The following ST6GAL2 variants were observed in gnomAD, a reference collection of about 807,000 sequenced individuals.
ST6GAL2 encodes the protein ST6 beta-galactoside alpha-2,6-sialyltransferase 2.
ST6GAL2 carries 24 observed loss-of-function variants against 37.5 expected under a neutral mutation model. That is an observed-to-expected ratio of 0.64 (90% CI 0.46 to 0.90). The LOEUF (loss-of-function observed/expected upper bound fraction) is 0.90. ST6GAL2 is among the 40% of genes least tolerant of loss of function. The pLI, the probability that ST6GAL2 is intolerant of heterozygous loss-of-function variation, is 0.00. For missense variants in ST6GAL2, 715 were observed against 712.7 expected, an observed-to-expected ratio of 1.00 and a Z score of -0.04; for synonymous variants, 306 against 295.1, an observed-to-expected ratio of 1.04 and a Z score of -0.38.
intron 1 of ST6GAL2, among the ~76,000 whole-genome samples, chr2:106,882,846 A>T (rs954980085): frequency 6.6e-6 from 1 of 152,358 alleles, no homozygotes; most frequent in East Asian, 1.9e-4. Flanking sequence ...CACAGAGGGC[A>T]GCAGAAGCCA....
At chr2:106,862,168 A>T in intron 1 of ST6GAL2, among the ~76,000 whole-genome samples, 1 of 152,200 alleles carries the variant, frequency 6.6e-6, no homozygotes, top group Non-Finnish European at 1.5e-5. Flanking sequence ...GCTTAAATGA[A>T]ATGCTAATGC....
intron 1 of ST6GAL2, among the ~76,000 whole-genome samples, chr2:106,850,317 G>T (rs1677307069): frequency 6.6e-6 from 1 of 152,136 alleles, no homozygotes; most frequent in African/African-American, 2.4e-5. Flanking sequence ...TGCCCGCTGT[G>T]CTGGGAAGTA....
At chr2:106,812,799 CTT>C (rs796843625) in intron 5 of ST6GAL2, among the ~76,000 whole-genome samples, 17 of 152,228 alleles carry the variant, frequency 1.1e-4, no homozygotes, top group African/African-American at 4.1e-4. Flanking sequence ...TATTTCCTCT[CTT>C]ATGTCTGCTC....
At chr2:106,826,438 G>T (rs1405834940) in intron 5 of ST6GAL2, among the ~76,000 whole-genome samples, 1 of 151,992 alleles carries the variant, frequency 6.6e-6, no homozygotes, top group African/African-American at 2.4e-5. Flanking sequence ...TACTTGGGAG[G>T]CTGAGGCAGG....
intron 1 of ST6GAL2, among the ~76,000 whole-genome samples, chr2:106,864,792 C>CT (rs1258588969): frequency 6.6e-6 from 1 of 152,218 alleles, no homozygotes; most frequent in Non-Finnish European, 1.5e-5. Context: ...GTCCTTTTCC[C>CT]TTTTCACACT....
At chr2:106,887,061 A>C (rs1679034586), upstream of ST6GAL2, 1 of 152,556 alleles carries the variant, frequency 6.6e-6, no homozygotes, top group South Asian at 2.1e-4. Context: ...GAATGCGCAC[A>C]GGCTGTGGGC....
At chr2:106,807,771 C>T (rs531459458) in intron 5 of ST6GAL2, among the ~76,000 whole-genome samples, 17 of 151,892 alleles carry the variant, frequency 1.1e-4, no homozygotes, top group African/African-American at 3.9e-4. Flanking sequence ...ACTACAGGCG[C>T]CCACCACCAC....
chr2:106,817,094 G>T (rs1675831694), intron 5 of ST6GAL2, among the ~76,000 whole-genome samples: 1 of 152,200 alleles, frequency 6.6e-6, no homozygotes, highest in African/African-American at 2.4e-5. Flanking sequence ...TCGCCACCAG[G>T]GGCTAAAGTG....
At chr2:106,852,149 T>C (rs1220899672) in intron 1 of ST6GAL2, among the ~76,000 whole-genome samples, 2 of 152,188 alleles carry the variant, frequency 1.3e-5, no homozygotes, top group South Asian at 4.1e-4. Flanking sequence ...TTCTGCCCAT[T>C]CTTAAGCTAA....
intron 5 of ST6GAL2, chr2:106,813,234 G>A: frequency 2.3e-6 from 3 of 1,327,518 alleles, no homozygotes; most frequent in Non-Finnish European, 2.9e-6. Flanking sequence ...CCTATATGAG[G>A]GATTCATTTG....
intron 2 of ST6GAL2, chr2:106,834,702 C>A (rs979872750): frequency 6.6e-6 from 1 of 152,452 alleles, no homozygotes; most frequent in South Asian, 2.1e-4. Flanking sequence ...ATACTGCTGC[C>A]GATGGCAAGA....
intron 5 of ST6GAL2, among the ~76,000 whole-genome samples, chr2:106,827,744 G>A (rs1411850837): frequency 6.6e-6 from 1 of 152,182 alleles, no homozygotes; most frequent in African/African-American, 2.4e-5. Context: ...TTGAGATTGG[G>A]CTAGTGAGAT....
Position 106,806,951 on chromosome 2 carries a change from T to C in ST6GAL2, c.1319-2A>G, listed in dbSNP as rs1175794460. The C allele has an allele frequency of 1.2e-6, 2 of 1,603,756 alleles. No individual in the cohort carries two copies. The highest frequency in any genetic ancestry group is 1.7e-5 in the Admixed American group (1 of 59,542). On this transcript the variant is annotated splice_acceptor_variant, in intron 5 of 5. Coordinates refer to ENST00000409382, the MANE Select transcript of ST6GAL2 (RefSeq NM_001142351.2). LOFTEE classifies it high-confidence loss of function. ...ACATGGACATCATTATGAGGATTCC[T>C]GACATGAAAACCAAAAATTAGAACC...
chr2:106,801,763 A>G lies in ST6GAL2; in HGVS notation c.*4915T>C, dbSNP rs1012604347. ...AAACTTCAAGCTTTAATTAGTTTGA[A>G]GAGTACACATTTCATTTTAAAAATT... On this transcript the variant is annotated 3_prime_UTR_variant, in exon 6 of 6. Coordinates refer to ENST00000409382, the MANE Select transcript of ST6GAL2 (RefSeq NM_001142351.2). 6.6e-6 allele frequency: 1 copy of G among 152,256 alleles called. No individual in the cohort carries two copies. Among genetic ancestry groups the G allele is most frequent in the African/African-American group, 2.4e-5 (1 of 41,472 alleles). 9.4% of individuals were successfully genotyped at this position (152,256 alleles called of 1,614,324 possible).
chr2:106,850,726 G>A (rs1677324750), intron 1 of ST6GAL2, among the ~76,000 whole-genome samples: 1 of 152,162 alleles, frequency 6.6e-6, no homozygotes, highest in African/African-American at 2.4e-5. Flanking sequence ...CTGGATCATC[G>A]TTTTCCTTGA....
At chr2:106,855,958 T>C (rs181961212) in intron 1 of ST6GAL2, among the ~76,000 whole-genome samples, 3 of 152,210 alleles carry the variant, frequency 2.0e-5, no homozygotes. Flanking sequence ...TAATGCTTTA[T>C]GAAAGCTTCA....
In ST6GAL2 at chr2:106,816,862, G is replaced by A. The variant is rs575632689; in HGVS notation, c.1319-9913C>T. 3.9e-5 allele frequency among the ~76,000 whole-genome samples: 6 copies of A among 152,244 alleles called. No homozygotes were observed. The South Asian group carries it at 8.3e-4, about 21-fold the overall frequency. On this transcript the variant is annotated intron_variant, in intron 5 of 5. Transcript: ENST00000409382. ...AACTCAGTCTTACCTTGCCAACACC[G>A]TGCCTCCTCCATCCCCCAGCAGGGA...
intron 5 of ST6GAL2, among the ~76,000 whole-genome samples, chr2:106,812,851 T>C (rs1024183686): frequency 2.6e-5 from 4 of 152,216 alleles, no homozygotes; most frequent in African/African-American, 9.7e-5. Flanking sequence ...AATCATCTAA[T>C]AACATGCAAT....
intron 5 of ST6GAL2, among the ~76,000 whole-genome samples, chr2:106,828,357 G>C (rs1676283795): frequency 6.6e-6 from 1 of 152,046 alleles, no homozygotes; most frequent in African/African-American, 2.4e-5. Flanking sequence ...TGACAAACTA[G>C]ATTATACTTT....
Sources: allele counts gnomAD v4.1 joint callset (sites outside exome capture counted in the v4.1 genomes callset), GRCh38; gene constraint gnomAD v4.1.1; transcripts MANE v1.5; gene names NCBI Gene and HGNC (gene_info 2026-07-23, HGNC 2026-07-21).